Variants in PPA2 observed in about 807,000 individuals in gnomAD.
PPA2 encodes inorganic pyrophosphatase 2, mitochondrial.
In PPA2, 48 loss-of-function variants were observed where a neutral mutation model predicts 49.5. The observed-to-expected ratio is 0.97, with a 90% CI of 0.77 to 1.23. The LOEUF (loss-of-function observed/expected upper bound fraction) is 1.23. PPA2 is among the 50% of genes most tolerant of loss of function. PPA2 has a pLI of 0.00. For synonymous variants in PPA2, 131 were observed against 139.9 expected (o/e 0.94, Z 0.45); for missense variants, 429 against 410.1 (o/e 1.05, Z -0.40).
chr4:105,424,720 C>A (rs754174240), intron 6 of PPA2, among the ~76,000 whole-genome samples: 16 of 151,898 alleles, frequency 1.1e-4, no homozygotes, highest in Non-Finnish European at 2.4e-4. Context: ...CAAACCACAG[C>A]AGAGAGAAAG....
At chr4:105,467,602 C>G (rs1042103621) in intron 1 of PPA2, among the ~76,000 whole-genome samples, 1 of 152,074 alleles carries the variant, frequency 6.6e-6, no homozygotes, top group African/African-American at 2.4e-5. Context: ...GGAAAGTAGA[C>G]TATACAGGGC....
intron 5 of PPA2, among the ~76,000 whole-genome samples, chr4:105,442,259 T>C (rs971886414): frequency 2.0e-5 from 3 of 152,172 alleles, no homozygotes; most frequent in African/African-American, 4.8e-5. Flanking sequence ...TGAGTTAATA[T>C]TATTAAGAAC....
chr4:105,465,065 A>C (rs1463063582), intron 1 of PPA2, among the ~76,000 whole-genome samples: 1 of 152,152 alleles, frequency 6.6e-6, no homozygotes, highest in African/African-American at 2.4e-5. Flanking sequence ...GATAAGAAAA[A>C]CCTGGAATGC....
intron 2 of PPA2, 136 bp from the exon 3 acceptor site, chr4:105,453,778 T>C: frequency 1.8e-6 from 1 of 553,290 alleles, no homozygotes; most frequent in Non-Finnish European, 3.1e-6. Flanking sequence ...ACAGAGAACC[T>C]ACCAAATGCC....
intron 7 of PPA2, among the ~76,000 whole-genome samples, chr4:105,417,550 A>G (rs1250016350): frequency 1.1e-5 from 1 of 93,756 alleles, no homozygotes; most frequent in Non-Finnish European, 2.5e-5. Context: ...CATGGGAATG[A>G]CTGAAACCAA....
intron 7 of PPA2, among the ~76,000 whole-genome samples, chr4:105,411,928 A>G (rs189958045): frequency 1.3e-5 from 2 of 152,360 alleles, no homozygotes; most frequent in Admixed American, 1.3e-4. Context: ...CCACTGCTCA[A>G]CAAAATAAAA....
chr4:105,428,768 C>G (rs953331217), intron 6 of PPA2, among the ~76,000 whole-genome samples: 3 of 151,704 alleles, frequency 2.0e-5, no homozygotes, highest in East Asian at 1.9e-4. Flanking sequence ...TATATACCTA[C>G]GTAACAAAAC....
chr4:105,452,347 T>C (rs1214953431), intron 3 of PPA2, among the ~76,000 whole-genome samples: 4 of 152,192 alleles, frequency 2.6e-5, no homozygotes, highest in African/African-American at 9.6e-5. Flanking sequence ...CTAAGTCCCC[T>C]GGGGATCTGG....
At chr4:105,398,092 A>T (rs200042186) in intron 8 of PPA2, among the ~76,000 whole-genome samples, 1 of 147,074 alleles carries the variant, frequency 6.8e-6, no homozygotes, top group African/African-American at 2.4e-5. Flanking sequence ...AAACAAAAAA[A>T]AACTACCTCA....
intron 7 of PPA2, chr4:105,405,542 T>A (rs1211623675): frequency 1.1e-6 from 1 of 934,340 alleles, no homozygotes; most frequent in African/African-American, 1.8e-5. Context: ...GAAGTACTTA[T>A]AAATATTTAT....
chr4:105,459,502 A>G (rs1723001332), intron 1 of PPA2, among the ~76,000 whole-genome samples: 1 of 152,264 alleles, frequency 6.6e-6, no homozygotes, highest in South Asian at 2.1e-4. Flanking sequence ...TCTGGAAAAC[A>G]GTTTGGCTGT....
At chr4:105,370,771 G>T in intron 11 of PPA2, 66 bp downstream of exon 11, 1 of 1,293,506 alleles carries the variant, frequency 7.7e-7, no homozygotes, top group South Asian at 1.9e-5. Flanking sequence ...TTTAGTTTTT[G>T]GCTTCCACTA....
intron 7 of PPA2, among the ~76,000 whole-genome samples, chr4:105,420,704 T>C (rs1205292254): frequency 6.6e-6 from 1 of 152,180 alleles, no homozygotes; most frequent in Non-Finnish European, 1.5e-5. Context: ...GCATTAGATA[T>C]TTTTGGAAAA....
intron 10 of PPA2, among the ~76,000 whole-genome samples, chr4:105,377,074 TG>T (rs1482313967): frequency 6.6e-6 from 1 of 152,156 alleles, no homozygotes; most frequent in African/African-American, 2.4e-5. Context: ...CCCCTCCACT[TG>T]TTCCACCTCT....
At chr4:105,426,977 T>C (rs1459780533) in intron 6 of PPA2, among the ~76,000 whole-genome samples, 2 of 152,148 alleles carry the variant, frequency 1.3e-5, no homozygotes, top group African/African-American at 2.4e-5. Flanking sequence ...CTCATATAGA[T>C]AGGTGCCCCC....
In PPA2 at chr4:105,386,701, C is replaced by G. The variant is rs977185096; in HGVS notation, c.870-65G>C. The G allele has an allele frequency of 1.2e-5, 16 of 1,300,646 alleles. No homozygotes were observed. The African/African-American group carries it at 1.6e-4, about 13-fold the overall frequency. 80.6% of individuals were successfully genotyped at this position (1,300,646 alleles called of 1,614,324 possible). A position where few individuals can be genotyped will look rare whatever the true frequency, so the allele number is the denominator to read the frequency against. On this transcript the variant is annotated intron_variant, in intron 9 of 11. Transcript: ENST00000341695. The stretch of plus-strand genomic sequence containing the variant: ...AAAGAAACAATTACCAAAAAAACCC[C>G]AAAAACTAACTCCAAATACTCCACA...
intron 1 of PPA2, among the ~76,000 whole-genome samples, chr4:105,470,723 A>G (rs7678401): frequency 0.83 from 126,058 of 152,206 alleles, 52,479 homozygotes; most frequent in Non-Finnish European, 0.85. Flanking sequence ...AATTACACAC[A>G]TAGTCTCATT....
chr4:105,438,338 A>G (rs950187373), intron 5 of PPA2, among the ~76,000 whole-genome samples: 7 of 152,274 alleles, frequency 4.6e-5, no homozygotes, highest in South Asian at 2.1e-4. Flanking sequence ...TCACTTTTAG[A>G]GTTTCAGTGG....
chr4:105,453,761 T>C, intron 2 of PPA2, 119 bp from the exon 3 acceptor site: 1 of 687,776 alleles, frequency 1.5e-6, no homozygotes, highest in Non-Finnish European at 2.3e-6. Flanking sequence ...TCCAGAAATC[T>C]GAGTCAACAG....
Sources: allele counts gnomAD v4.1 joint callset (sites outside exome capture counted in the v4.1 genomes callset), GRCh38; gene constraint gnomAD v4.1.1; transcripts MANE v1.5; gene names NCBI Gene and HGNC (gene_info 2026-07-23, HGNC 2026-07-21).